The following ARHGAP32 variants were observed in gnomAD, a reference collection of about 807,000 sequenced individuals.
The protein encoded by ARHGAP32 is Rho GTPase activating protein 32, also known as rho GTPase-activating protein 32.
In ARHGAP32, 51 loss-of-function variants were observed where a neutral mutation model predicts 186.5. The ratio of observed to expected loss-of-function variants is 0.27; its 90% confidence interval spans 0.22 to 0.35. The LOEUF (loss-of-function observed/expected upper bound fraction) is 0.35, where lower values mean the gene tolerates loss of function less well. Ranked by LOEUF, ARHGAP32 falls within the 10% of genes least tolerant of loss-of-function variation. The probability of loss-of-function intolerance (pLI) is 1.00; values close to 1 mark genes in which losing one functional copy is unlikely to be tolerated. For synonymous variants in ARHGAP32, 950 were observed against 964.3 expected (o/e 0.99, Z 0.27); for missense variants, 2,186 against 2,623.5 (o/e 0.83, Z 3.64).
In ARHGAP32 at chr11:129,124,227, T is replaced by C. The variant is rs573442620; in HGVS notation, c.318-298A>G. Among the ~76,000 whole-genome samples the C allele has an allele frequency of 6.8e-4, 104 of 152,314 alleles. 1 individual carries two copies. Among genetic ancestry groups the C allele is most frequent in the Non-Finnish European group, 9.4e-4 (64 of 68,014 alleles). On this transcript the variant is annotated intron_variant, in intron 3 of 22. Transcript: ENST00000682385. The stretch of plus-strand genomic sequence containing the variant: ...CATTTTATACAGAGCCTGAAGGTAA[T>C]GTTATACAACATTTTAAATAATTTT...
intron 1 of ARHGAP32, among the ~76,000 whole-genome samples, chr11:129,183,091 A>G (rs542422483): frequency 6.6e-6 from 1 of 152,266 alleles, no homozygotes; most frequent in South Asian, 2.1e-4. Context: ...TGAATAGTAC[A>G]TATCATCTCC....
chr11:129,221,036 C>T (rs1944704309), intron 1 of ARHGAP32, among the ~76,000 whole-genome samples: 1 of 151,098 alleles, frequency 6.6e-6, no homozygotes, highest in African/African-American at 2.4e-5. Context: ...AGCGATGTTT[C>T]AAATACAGCT....
Position 129,052,853 on chromosome 11 carries a change from A to G in ARHGAP32, c.963+9427T>C, listed in dbSNP as rs139725514. On this transcript the variant is annotated intron_variant, in intron 10 of 22. Transcript: ENST00000682385. Reference sequence around the variant, plus strand: ...TTTATGCTGACTTTTTTGAAAGTGTATATTAATGGAAGTAGTTAAATAATT... The same window carrying G: ...TTTATGCTGACTTTTTTGAAAGTGTGTATTAATGGAAGTAGTTAAATAATT... Among the ~76,000 whole-genome samples the G allele has an allele frequency of 1.5e-3, 221 of 152,226 alleles. 1 individual carries two copies. The highest frequency in any genetic ancestry group is 4.9e-3 in the African/African-American group (204 of 41,578).
chr11:129,247,706 C>G (rs1436796532), intron 1 of ARHGAP32, among the ~76,000 whole-genome samples: 3 of 152,066 alleles, frequency 2.0e-5, no homozygotes, highest in Non-Finnish European at 4.4e-5. Flanking sequence ...CCTTTGCATT[C>G]TAGTAGAAAT....
intron 2 of ARHGAP32, chr11:129,126,008 T>A (rs1467807549): frequency 1.1e-5 from 5 of 437,018 alleles, no homozygotes; most frequent in Non-Finnish European, 1.8e-5. Context: ...CATCTTGTCT[T>A]ATTTTTCCTC....
At chr11:129,160,111 A>C (rs1056334726) in intron 2 of ARHGAP32, among the ~76,000 whole-genome samples, 12 of 152,198 alleles carry the variant, frequency 7.9e-5, no homozygotes, top group African/African-American at 2.9e-4. Context: ...TCAAAATAAT[A>C]AGAGCTATTT....
Position 129,041,047 on chromosome 11 carries a change from A to C in ARHGAP32, c.964-38T>G, listed in dbSNP as rs765356822. ...AACAAAGAAAGGATTCTAAACCAGC[A>C]AACAGACCAATTATGTGAACACTGC... On this transcript the variant is annotated intron_variant, in intron 10 of 22. Coordinates refer to ENST00000682385, the MANE Select transcript of ARHGAP32 (RefSeq NM_001378024.1). The C allele has an allele frequency of 8.5e-6, 12 of 1,415,008 alleles. No individual in the cohort carries two copies. In the Admixed American group the frequency reaches 1.4e-4, roughly 16 times the overall value. 87.7% of individuals were successfully genotyped at this position (1,415,008 alleles called of 1,614,324 possible).
At chr11:129,221,254 C>A (rs1944706637) in intron 1 of ARHGAP32, among the ~76,000 whole-genome samples, 1 of 152,012 alleles carries the variant, frequency 6.6e-6, no homozygotes, top group South Asian at 2.1e-4. Context: ...AAGTTTCTAG[C>A]AAAGACAATA....
At chr11:128,987,796 G>A (rs1945920146) in intron 13 of ARHGAP32, among the ~76,000 whole-genome samples, 3 of 151,934 alleles carry the variant, frequency 2.0e-5, no homozygotes, top group Admixed American at 2.0e-4. Context: ...ACTATAAAGA[G>A]GCAAAATACA....
intron 10 of ARHGAP32, among the ~76,000 whole-genome samples, chr11:129,046,042 G>C (rs984296481): frequency 5.3e-5 from 8 of 152,148 alleles, no homozygotes; most frequent in African/African-American, 1.9e-4. Flanking sequence ...TGGTGTGCTG[G>C]TAAATGTTTA....
chr11:129,180,221 A>C (rs562328385), intron 1 of ARHGAP32, among the ~76,000 whole-genome samples: 8 of 152,322 alleles, frequency 5.3e-5, no homozygotes, highest in African/African-American at 1.9e-4. Flanking sequence ...AAGTAGATGA[A>C]TCTCATAAAT....
At chr11:129,170,224 A>C (rs1455223169) in intron 1 of ARHGAP32, among the ~76,000 whole-genome samples, 1 of 151,698 alleles carries the variant, frequency 6.6e-6, no homozygotes, top group Admixed American at 6.6e-5. Context: ...AAAAAAAAAA[A>C]ACGGGATACA....
At chr11:129,192,351 A>G (rs1444385566), upstream of ARHGAP32, among the ~76,000 whole-genome samples, 2 of 152,178 alleles carry the variant, frequency 1.3e-5, no homozygotes, top group African/African-American at 4.8e-5. Flanking sequence ...GTCAGGGTAC[A>G]GACAGGAAAT....
At chr11:129,135,709 A>G (rs596512) in intron 2 of ARHGAP32, among the ~76,000 whole-genome samples, 18,939 of 151,946 alleles carry the variant, frequency 0.12, 1,333 homozygotes, top group Non-Finnish European at 0.15. Context: ...GGAGCTTGCA[A>G]TGAGCTGAGA....
At chr11:129,165,582 A>G (rs888306748) in intron 1 of ARHGAP32, among the ~76,000 whole-genome samples, 1 of 149,172 alleles carries the variant, frequency 6.7e-6, no homozygotes, top group Non-Finnish European at 1.5e-5. Context: ...ATTATGAGGC[A>G]TGCTTAAAAA....
chr11:129,129,155 C>CT (rs1565436381), intron 2 of ARHGAP32, among the ~76,000 whole-genome samples: 14 of 148,358 alleles, frequency 9.4e-5, no homozygotes, highest in South Asian at 4.3e-4. Flanking sequence ...TCTGCCCGGC[C>CT]GCCCCGTCTG....
At chr11:128,989,275 C>G (rs1224940974) in intron 12 of ARHGAP32, among the ~76,000 whole-genome samples, 1 of 151,928 alleles carries the variant, frequency 6.6e-6, no homozygotes, top group East Asian at 1.9e-4. Flanking sequence ...CAAAAACCAG[C>G]AGCTGATAGT....
rs1001370063 is a variant in ARHGAP32, at chr11:128,981,999, G to T, written c.1527-63C>A. ...TGATGCAGCAGTATAGAACATAAAAGCCTGCTAATTAATTCCTAAGTTTGC... is the reference window on the plus strand; with the variant it reads ...TGATGCAGCAGTATAGAACATAAAATCCTGCTAATTAATTCCTAAGTTTGC... On this transcript the variant is annotated intron_variant, in intron 15 of 22. Coordinates refer to ENST00000682385, the MANE Select transcript of ARHGAP32 (RefSeq NM_001378024.1). The T allele has an allele frequency of 2.2e-5, 23 of 1,040,284 alleles. No homozygotes were observed. The Middle Eastern group carries it at 7.0e-4, about 31-fold the overall frequency. 64.4% of individuals were successfully genotyped at this position (1,040,284 alleles called of 1,614,324 possible). A position where few individuals can be genotyped will look rare whatever the true frequency, so the allele number is the denominator to read the frequency against.
At chr11:129,129,156 G>A (rs1386280458) in intron 2 of ARHGAP32, among the ~76,000 whole-genome samples, 1 of 151,802 alleles carries the variant, frequency 6.6e-6, no homozygotes, top group African/African-American at 2.4e-5. Flanking sequence ...CTGCCCGGCC[G>A]CCCCGTCTGA....
Sources: gnomAD v4.1 joint callset for allele counts (sites outside exome capture counted in the v4.1 genomes callset) on GRCh38, gnomAD v4.1.1 for gene constraint, MANE v1.5 for transcripts, NCBI Gene and HGNC (gene_info 2026-07-23, HGNC 2026-07-21) for gene names.